ERC2: variants seen among roughly 807,000 people sequenced by gnomAD.
ERC2 encodes ELKS/RAB6-interacting/CAST family member 2.
A neutral mutation model predicts 114.8 loss-of-function variants in ERC2; 42 were observed. That is an observed-to-expected ratio of 0.37 (90% CI 0.29 to 0.47). The LOEUF (loss-of-function observed/expected upper bound fraction) is 0.47, where lower values mean the gene tolerates loss of function less well. Ranked by LOEUF, ERC2 falls within the 20% of genes least tolerant of loss-of-function variation. ERC2 has a pLI of 0.99. For missense variants in ERC2, 939 were observed against 1,150.7 expected (o/e 0.82, Z 2.66); for synonymous variants, 454 against 425.5 (o/e 1.07, Z -0.82).
chr3:55,868,079 C>T (rs1418300848), intron 14 of ERC2, among the ~76,000 whole-genome samples: 2 of 152,196 alleles, frequency 1.3e-5, no homozygotes, highest in Non-Finnish European at 2.9e-5. Flanking sequence ...CCTCCTCTCT[C>T]CTGCTTTCCT....
At chr3:55,904,560 C>G (rs1262356848) in intron 13 of ERC2, among the ~76,000 whole-genome samples, 1 of 152,124 alleles carries the variant, frequency 6.6e-6, no homozygotes, top group Non-Finnish European at 1.5e-5. Context: ...AACTTAATGT[C>G]CAGAAAGCTT....
At chr3:56,024,603 A>G (rs565807567) in intron 7 of ERC2, among the ~76,000 whole-genome samples, 2 of 152,224 alleles carry the variant, frequency 1.3e-5, no homozygotes, top group Non-Finnish European at 2.9e-5. Flanking sequence ...ATACAGCCCA[A>G]CTGCAAGGGA....
rs2148598851 is a variant in ERC2 at position 55,621,755 on chromosome 3, C to T, written c.*39+62039G>A. 2.0e-5 allele frequency among the ~76,000 whole-genome samples: 3 copies of T among 152,210 alleles called. No homozygotes were observed. The South Asian group carries it at 6.2e-4, about 32-fold the overall frequency. On this transcript the variant is annotated intron_variant, in intron 17 of 17. Transcript: ENST00000288221. The stretch of plus-strand genomic sequence containing the variant: ...TCCTAGTCTGGGCCTTAGAAAATGC[C>T]AGGAGACAGCTAGGCCAATTGGGGG...
chr3:56,145,327 T>C (rs1192297762), intron 5 of ERC2, among the ~76,000 whole-genome samples: 4 of 152,090 alleles, frequency 2.6e-5, no homozygotes, highest in African/African-American at 9.7e-5. Flanking sequence ...GCAGCTAATA[T>C]AGAAATACTG....
At chr3:55,942,304 G>GTTT (rs2066856765) in intron 13 of ERC2, among the ~76,000 whole-genome samples, 1 of 18,346 alleles carries the variant, frequency 5.5e-5, no homozygotes, top group Non-Finnish European at 1.4e-4. Context: ...TTTTTTTTTT[G>GTTT]TTGAGACGGA....
At chr3:56,386,454 T>G (rs578127730) in intron 2 of ERC2, among the ~76,000 whole-genome samples, 76 of 152,276 alleles carry the variant, frequency 5.0e-4, no homozygotes, top group Non-Finnish European at 3.8e-4. Flanking sequence ...CTTCCCAACC[T>G]GGGCGATCCT....
At chr3:56,283,822 T>C (rs993880057) in intron 3 of ERC2, among the ~76,000 whole-genome samples, 6 of 152,202 alleles carry the variant, frequency 3.9e-5, no homozygotes, top group African/African-American at 1.4e-4. Context: ...GCGGCACAGA[T>C]AAACCTAAAA....
chr3:56,126,505 C>T (rs1575515634), intron 6 of ERC2, among the ~76,000 whole-genome samples: 2 of 152,132 alleles, frequency 1.3e-5, no homozygotes, highest in South Asian at 4.1e-4. Context: ...CACCTATAAA[C>T]CCAACACTGT....
In ERC2 at chr3:55,577,828, G is replaced by A. The variant is rs1382601659; in HGVS notation, c.*40-66552C>T. On this transcript the variant is annotated intron_variant, in intron 17 of 17. Transcript: ENST00000288221. ...GCGAAAGAAGAAGGGCACCTCTCCC[G>A]ATCCACTGGAGTGAAAGGAAATGGA... Among the ~76,000 whole-genome samples the A allele has an allele frequency of 2.0e-5, 3 of 152,250 alleles. No individual in the cohort carries two copies. In the East Asian group the frequency reaches 5.8e-4, roughly 29 times the overall value.
chr3:56,366,213 C>T (rs961948859), intron 2 of ERC2, among the ~76,000 whole-genome samples: 1 of 152,202 alleles, frequency 6.6e-6, no homozygotes, highest in African/African-American at 2.4e-5. Context: ...CACATGTATC[C>T]GAAACCTTCT....
At chr3:56,183,356 T>C (rs2083397050) in intron 3 of ERC2, among the ~76,000 whole-genome samples, 1 of 152,244 alleles carries the variant, frequency 6.6e-6, no homozygotes, top group Admixed American at 6.5e-5. Flanking sequence ...ACTAGGTGCA[T>C]GACCTTGGGC....
chr3:55,662,338 A>G (rs769238433), intron 17 of ERC2, among the ~76,000 whole-genome samples: 13 of 152,254 alleles, frequency 8.5e-5, no homozygotes, highest in Non-Finnish European at 1.9e-4. Context: ...ATTAACTGTG[A>G]GTGGCTAAAA....
chr3:56,259,333 T>C (rs1188378884), intron 3 of ERC2, among the ~76,000 whole-genome samples: 3 of 152,168 alleles, frequency 2.0e-5, no homozygotes, highest in Non-Finnish European at 4.4e-5. Flanking sequence ...TCACACACAG[T>C]GCATTTTAAT....
chr3:56,260,248 T>C (rs1345530179), intron 3 of ERC2, among the ~76,000 whole-genome samples: 5 of 152,112 alleles, frequency 3.3e-5, no homozygotes, highest in Non-Finnish European at 5.9e-5. Flanking sequence ...AAACCACTCC[T>C]CCCCGTAAGT....
At chr3:55,582,684 C>T (rs1260453325) in intron 17 of ERC2, among the ~76,000 whole-genome samples, 1 of 152,180 alleles carries the variant, frequency 6.6e-6, no homozygotes, top group Non-Finnish European at 1.5e-5. Context: ...CTGACCAGAG[C>T]CCTCCCTTGC....
chr3:55,553,649 G>A (rs980600012), intron 17 of ERC2, among the ~76,000 whole-genome samples: 10 of 151,970 alleles, frequency 6.6e-5, no homozygotes, highest in Admixed American at 5.2e-4. Flanking sequence ...GCGTAGTGGC[G>A]GGCACCGGTA....
intron 3 of ERC2, among the ~76,000 whole-genome samples, chr3:56,216,135 AC>A (rs1416642231): frequency 6.6e-6 from 1 of 152,230 alleles, no homozygotes; most frequent in Non-Finnish European, 1.5e-5. Context: ...GCAAGAAATA[AC>A]TAAGATCAGA....
At chr3:55,601,169 C>T (rs1389317668) in intron 17 of ERC2, among the ~76,000 whole-genome samples, 3 of 152,056 alleles carry the variant, frequency 2.0e-5, no homozygotes, top group Non-Finnish European at 4.4e-5. Context: ...GAATATAGCT[C>T]GCTATAACCA....
At position 56,305,285 on chromosome 3, in the gene ERC2, CA is replaced by C. The variant is rs200508813; in HGVS notation, c.658-8851del. 7.5e-3 allele frequency among the ~76,000 whole-genome samples: 1,135 copies of C among 151,646 alleles called. 23 individuals are homozygous for C. Among genetic ancestry groups the C allele is most frequent in the African/African-American group, 0.026 (1,085 of 41,352 alleles). On this transcript the variant is annotated intron_variant, in intron 2 of 17. Transcript: ENST00000288221. ...TGATGCTTGCAATACATTAAAATGACAAAAAATTATTATCAAGAATATATAT... is the reference window on the plus strand; with the variant it reads ...TGATGCTTGCAATACATTAAAATGACAAAAATTATTATCAAGAATATATAT...
Sources: allele counts gnomAD v4.1 joint callset (sites outside exome capture counted in the v4.1 genomes callset), GRCh38; gene constraint gnomAD v4.1.1; transcripts MANE v1.5; gene names NCBI Gene and HGNC (gene_info 2026-07-23, HGNC 2026-07-21).